RGL1: variants seen among roughly 807,000 people sequenced by gnomAD.
RGL1 encodes the protein ral guanine nucleotide dissociation stimulator-like 1.
RGL1 carries 24 observed loss-of-function variants against 95.2 expected under a neutral mutation model. The ratio of observed to expected loss-of-function variants is 0.25; its 90% CI spans 0.18 to 0.35. The LOEUF (loss-of-function observed/expected upper bound fraction) is 0.35, where lower values mean the gene tolerates loss of function less well. Ranked by LOEUF, RGL1 falls within the 10% of genes least tolerant of loss-of-function variation. RGL1 has a pLI of 1.00. For synonymous variants in RGL1, 329 were observed against 344.9 expected (o/e 0.95, Z 0.51); for missense variants, 715 against 936.3 (o/e 0.76, Z 3.08).
At chr1:183,816,443 A>G (rs80250119) in intron 2 of RGL1, among the ~76,000 whole-genome samples, 29,244 of 152,052 alleles carry the variant, frequency 0.19, 3,004 homozygotes, top group Admixed American at 0.21. Flanking sequence ...ACTGTGCTAC[A>G]CGTTGATTAG....
At chr1:183,838,578 A>T (rs559062441) in intron 2 of RGL1, among the ~76,000 whole-genome samples, 2 of 152,164 alleles carry the variant, frequency 1.3e-5, no homozygotes, top group African/African-American at 4.8e-5. Flanking sequence ...TGTCATACAC[A>T]TGCCCTTCTG....
chr1:183,867,204 T>C (rs980191266), intron 4 of RGL1, among the ~76,000 whole-genome samples: 12 of 152,282 alleles, frequency 7.9e-5, no homozygotes, highest in Admixed American at 7.2e-4. Context: ...TGAGACTGAA[T>C]GTGGCTTCCT....
chr1:183,645,059 C>T (rs1006368666), intron 1 of RGL1, among the ~76,000 whole-genome samples: 6 of 152,184 alleles, frequency 3.9e-5, no homozygotes, highest in Admixed American at 2.6e-4. Context: ...GTCACCACTA[C>T]TAAAGCAGAA....
chr1:183,779,528 G>A (rs559736118), intron 2 of RGL1, among the ~76,000 whole-genome samples: 1 of 152,226 alleles, frequency 6.6e-6, no homozygotes, highest in Admixed American at 6.5e-5. Context: ...GGGATTACAG[G>A]CATGAGCCAC....
chr1:183,666,397 A>G (rs900660879), intron 1 of RGL1, among the ~76,000 whole-genome samples: 1 of 151,842 alleles, frequency 6.6e-6, no homozygotes, highest in Non-Finnish European at 1.5e-5. Flanking sequence ...GAAACATTGT[A>G]TTTTCATTGA....
At chr1:183,794,824 C>A (rs1660615936) in intron 2 of RGL1, among the ~76,000 whole-genome samples, 1 of 152,192 alleles carries the variant, frequency 6.6e-6, no homozygotes, top group South Asian at 2.1e-4. Context: ...CCTTTAAGAG[C>A]GAGTACCACC....
intron 2 of RGL1, among the ~76,000 whole-genome samples, chr1:183,746,116 G>A (rs1397674337): frequency 2.7e-5 from 4 of 149,810 alleles, no homozygotes; most frequent in African/African-American, 9.9e-5. Flanking sequence ...ATAATATTGT[G>A]GAATCACAAA....
At chr1:183,661,577 A>C (rs189723989) in intron 1 of RGL1, among the ~76,000 whole-genome samples, 1 of 151,874 alleles carries the variant, frequency 6.6e-6, no homozygotes, top group Non-Finnish European at 1.5e-5. Context: ...TAGCTTACCA[A>C]CGAAAAAGAG....
intron 2 of RGL1, among the ~76,000 whole-genome samples, chr1:183,838,617 T>C (rs1309671616): frequency 6.6e-6 from 1 of 152,218 alleles, no homozygotes; most frequent in Non-Finnish European, 1.5e-5. Context: ...TTCTACTTTC[T>C]TCATAGTTCA....
At chr1:183,698,775 T>A (rs577533050) in intron 1 of RGL1, among the ~76,000 whole-genome samples, 1 of 152,368 alleles carries the variant, frequency 6.6e-6, no homozygotes, top group African/African-American at 2.4e-5. Context: ...TGAATACTTT[T>A]TTTCAATTGC....
At chr1:183,870,988 C>G (rs1666150907) in intron 4 of RGL1, among the ~76,000 whole-genome samples, 1 of 152,200 alleles carries the variant, frequency 6.6e-6, no homozygotes, top group Non-Finnish European at 1.5e-5. Flanking sequence ...GTCCCTTCAC[C>G]TCCCTTTGTT....
chr1:183,901,108 G>T (rs1667990761), intron 11 of RGL1, among the ~76,000 whole-genome samples: 1 of 151,934 alleles, frequency 6.6e-6, no homozygotes, highest in Non-Finnish European at 1.5e-5. Flanking sequence ...AGACCACCCT[G>T]GCCAACATGG....
At chr1:183,736,551 A>T (rs915865014) in intron 1 of RGL1, among the ~76,000 whole-genome samples, 2 of 152,242 alleles carry the variant, frequency 1.3e-5, no homozygotes, top group African/African-American at 2.4e-5. Flanking sequence ...AAATGCAAAG[A>T]CTGCTCTTGA....
chr1:183,903,073 GCCA>G (rs1668117455), intron 12 of RGL1, among the ~76,000 whole-genome samples: 1 of 152,126 alleles, frequency 6.6e-6, no homozygotes, highest in Non-Finnish European at 1.5e-5. Flanking sequence ...GCCTGATTTA[GCCA>G]TTCCACGGTA....
At chr1:183,735,335 T>G (rs1656874340) in intron 1 of RGL1, among the ~76,000 whole-genome samples, 1 of 152,206 alleles carries the variant, frequency 6.6e-6, no homozygotes, top group Non-Finnish European at 1.5e-5. Context: ...GCCCAATGAT[T>G]GACATTTATT....
chr1:183,733,510 T>C (rs949398389), intron 1 of RGL1, among the ~76,000 whole-genome samples: 39 of 152,174 alleles, frequency 2.6e-4, no homozygotes, highest in African/African-American at 9.4e-4. Flanking sequence ...GTTTGCCATG[T>C]TGAGCCAGTA....
At position 183,662,787 on chromosome 1, in the gene RGL1, C is replaced by G. The variant is rs1419545854; in HGVS notation, c.-33+26286C>G. 8.5e-5 allele frequency among the ~76,000 whole-genome samples: 13 copies of G among 152,290 alleles called. No homozygotes were observed. In the South Asian group the frequency reaches 2.7e-3, roughly 32 times the overall value. ...TAAGCCAAAAGAACAAAGCTGGAGGCATCACGCTACCTGAGTTCAAACTAT... is the reference window on the plus strand; with the variant it reads ...TAAGCCAAAAGAACAAAGCTGGAGGGATCACGCTACCTGAGTTCAAACTAT... On this transcript the variant is annotated intron_variant, in intron 1 of 18. Coordinates refer to the RGL1 transcript ENST00000304685.
At chr1:183,857,113 A>G (rs1408368084) in intron 3 of RGL1, among the ~76,000 whole-genome samples, 1 of 152,210 alleles carries the variant, frequency 6.6e-6, no homozygotes, top group Non-Finnish European at 1.5e-5. Context: ...CAGAGTAATC[A>G]CAAGGGTCCT....
chr1:183,756,429 A>G (rs2102295845), intron 2 of RGL1, among the ~76,000 whole-genome samples: 1 of 152,324 alleles, frequency 6.6e-6, no homozygotes, highest in Non-Finnish European at 1.5e-5. Flanking sequence ...GATGAAGCCA[A>G]GAGGAAACAA....
Sources: allele counts gnomAD v4.1 joint callset (sites outside exome capture counted in the v4.1 genomes callset), GRCh38; gene constraint gnomAD v4.1.1; transcripts MANE v1.5; gene names NCBI Gene and HGNC (gene_info 2026-07-23, HGNC 2026-07-21).